RBBP4: variants seen among roughly 807,000 people sequenced by gnomAD.
RBBP4 encodes histone-binding protein RBBP4.
A neutral mutation model predicts 57.2 loss-of-function variants in RBBP4; 3 were observed. The observed-to-expected ratio is 0.05, with a 90% confidence interval of 0.02 to 0.14. The LOEUF is 0.14. RBBP4 is among the 10% of genes least tolerant of loss of function. RBBP4 has a pLI of 1.00. For synonymous variants in RBBP4, 151 were observed against 171.5 expected (o/e 0.88, Z 0.93); for missense variants, 107 against 520.6 (o/e 0.21, Z 7.73).
At chr1:32,667,933 G>T (rs1360450549) in intron 3 of RBBP4, among the ~76,000 whole-genome samples, 1 of 152,118 alleles carries the variant, frequency 6.6e-6, no homozygotes, top group Non-Finnish European at 1.5e-5. Flanking sequence ...ATCTGTACAT[G>T]TTCAATACAT....
At chr1:32,675,395 G>A (rs575073239) in intron 11 of RBBP4, among the ~76,000 whole-genome samples, 1 of 152,150 alleles carries the variant, frequency 6.6e-6, no homozygotes, top group East Asian at 1.9e-4. Context: ...CAGACTAACA[G>A]ATTGTACTAC....
chr1:32,677,087 A>G (rs1045860151), intron 11 of RBBP4, among the ~76,000 whole-genome samples: 5 of 152,178 alleles, frequency 3.3e-5, no homozygotes, highest in Middle Eastern at 3.2e-3. Flanking sequence ...CTTGGCACAG[A>G]GCTCTCCAAA....
At position 32,685,015 on chromosome 1, in the gene RBBP4, TTTC is replaced by T. The variant is rs34609133; in HGVS notation, c.*5316_*5318del. On this transcript the variant is annotated 3_prime_UTR_variant, in exon 12 of 12. Transcript: ENST00000373493. ...CTATTGCTAATTTCCTGCATCCTTT[TTTC>T]TTCTTTATTTTTGTATAGAGACAGG... 4 of 152,026 alleles carry T rather than the reference TTTC, an allele frequency of 2.6e-5. No individual in the cohort carries two copies. The highest frequency in any genetic ancestry group is 7.3e-5 in the African/African-American group (3 of 41,298). The allele number at this position is 152,026 out of a possible 1,614,324, so 9.4% of individuals were successfully genotyped here. A position where few individuals can be genotyped will look rare whatever the true frequency, so the allele number is the denominator to read the frequency against.
At chr1:32,675,464 C>T (rs9425960) in intron 11 of RBBP4, among the ~76,000 whole-genome samples, 148,029 of 152,110 alleles carry the variant, frequency 0.97, 72,156 homozygotes, top group East Asian at 1. Context: ...TACTTTGTAA[C>T]ATTACTTATC....
rs1296808791 is a variant in RBBP4 at position 32,683,351 on chromosome 1, A to AAG, written c.*3647_*3648dup. On this transcript the variant is annotated 3_prime_UTR_variant, in exon 12 of 12. Coordinates refer to ENST00000373493, the MANE Select transcript of RBBP4 (RefSeq NM_005610.3). ...AAACCACAGCCTTTGAATATTATAT[A>AAG]AGGAACTTAATGGATAGATATGTTT... 6.6e-6 allele frequency: 1 copy of AAG among 152,004 alleles called. No individual in the cohort carries two copies. Among genetic ancestry groups the AAG allele is most frequent in the Non-Finnish European group, 1.5e-5 (1 of 68,022 alleles). The allele number at this position is 152,004 out of a possible 1,614,324, so 9.4% of individuals were successfully genotyped here. A position where few individuals can be genotyped will look rare whatever the true frequency, so the allele number is the denominator to read the frequency against.
chr1:32,654,975 G>C (rs1298442607), intron 2 of RBBP4, among the ~76,000 whole-genome samples: 1 of 151,324 alleles, frequency 6.6e-6, no homozygotes, highest in Non-Finnish European at 1.5e-5. Context: ...GATTACAGGC[G>C]TGAGCTAGTG....
At chr1:32,653,859 C>G (rs970070270) in intron 2 of RBBP4, among the ~76,000 whole-genome samples, 5 of 151,558 alleles carry the variant, frequency 3.3e-5, no homozygotes, top group Admixed American at 1.3e-4. Context: ...GGGGTTTCAC[C>G]GTGTTAGCCA....
chr1:32,683,983 C>G lies in RBBP4; in HGVS notation c.*4278C>G, dbSNP rs771171693. ...GTTAGGAAAGCAGTAACAATGCAAACACCACTCTTCTCTTCACAAAGATCA... is the reference window on the plus strand; with the variant it reads ...GTTAGGAAAGCAGTAACAATGCAAAGACCACTCTTCTCTTCACAAAGATCA... On this transcript the variant is annotated 3_prime_UTR_variant, in exon 12 of 12. Transcript: ENST00000373493. 2 of 1,606,032 alleles carry G rather than the reference C, an allele frequency of 1.2e-6. No homozygotes were observed. Among genetic ancestry groups the G allele is most frequent in the African/African-American group, 2.7e-5 (2 of 74,712 alleles).
intron 2 of RBBP4, among the ~76,000 whole-genome samples, chr1:32,653,326 A>G (rs1647974284): frequency 6.6e-6 from 1 of 152,194 alleles, no homozygotes; most frequent in Non-Finnish European, 1.5e-5. Flanking sequence ...GCCATTTGGA[A>G]TAATGGATTT....
chr1:32,671,141 C>T (rs1648858206), intron 8 of RBBP4, among the ~76,000 whole-genome samples: 1 of 152,080 alleles, frequency 6.6e-6, no homozygotes, highest in Non-Finnish European at 1.5e-5. Context: ...AAAATTATTG[C>T]ATGGAGTCAT....
At chr1:32,675,863 G>A (rs564079224) in intron 11 of RBBP4, among the ~76,000 whole-genome samples, 45 of 152,274 alleles carry the variant, frequency 3.0e-4, no homozygotes, top group African/African-American at 8.2e-4. Flanking sequence ...GGCCAAAGCC[G>A]GAGGATCACT....
chr1:32,681,567 T>C lies in RBBP4; in HGVS notation c.*1862T>C. The C allele has an allele frequency of 5.4e-6, 3 of 553,904 alleles. No individual in the cohort carries two copies. In the South Asian group the frequency reaches 6.7e-5, roughly 12 times the overall value. 34.3% of individuals were successfully genotyped at this position (553,904 alleles called of 1,614,324 possible). A position where few individuals can be genotyped will look rare whatever the true frequency, so the allele number is the denominator to read the frequency against. On this transcript the variant is annotated 3_prime_UTR_variant, in exon 12 of 12. Coordinates refer to ENST00000373493, the MANE Select transcript of RBBP4 (RefSeq NM_005610.3). Reference sequence around the variant, plus strand: ...CACTCAGTGCATATGTGAGGGTTGTTGCTGGAAGACAGGAGGCTCATCTTT... The same window carrying C: ...CACTCAGTGCATATGTGAGGGTTGTCGCTGGAAGACAGGAGGCTCATCTTT...
chr1:32,676,643 GT>G (rs1649116720), intron 11 of RBBP4, among the ~76,000 whole-genome samples: 1 of 149,828 alleles, frequency 6.7e-6, no homozygotes, highest in Non-Finnish European at 1.5e-5. Context: ...AAGAAAAGCT[GT>G]TTGCTAAAAT....
intron 2 of RBBP4, among the ~76,000 whole-genome samples, chr1:32,653,910 G>A (rs2762901): frequency 0.076 from 11,500 of 151,702 alleles, 1,461 homozygotes; most frequent in African/African-American, 0.26. Context: ...CACCCGCCTC[G>A]GCCTTCCAAA....
rs369859587 is a variant in RBBP4, at chr1:32,684,371, C to T, written c.*4666C>T. 1 of 1,614,074 alleles carries T rather than the reference C, an allele frequency of 6.2e-7. No homozygotes were observed. The highest frequency in any genetic ancestry group is 1.3e-5 in the African/African-American group (1 of 74,940). ...ACTGCCTCTGGCGTTCTTCCATTTC[C>T]TCCAGCTGTTCCTGCATGAGATGGC... On this transcript the variant is annotated 3_prime_UTR_variant, in exon 12 of 12. Transcript: ENST00000373493.
Position 32,680,650 on chromosome 1 carries a change from A to C in RBBP4, c.*945A>C. ...AAAATGGAATAAATTGCTTTTCTAC[A>C]TAACCCCATGCTGATGGGTTTTATT... On this transcript the variant is annotated 3_prime_UTR_variant, in exon 12 of 12. Coordinates refer to ENST00000373493, the MANE Select transcript of RBBP4 (RefSeq NM_005610.3). 9.1e-7 allele frequency: 1 copy of C among 1,103,424 alleles called. No individual in the cohort carries two copies. The highest frequency in any genetic ancestry group is 1.3e-6 in the Non-Finnish European group (1 of 759,600). The allele number at this position is 1,103,424 out of a possible 1,614,324, so 68.4% of individuals were successfully genotyped here.
At chr1:32,655,902 T>C (rs553792749) in intron 2 of RBBP4, among the ~76,000 whole-genome samples, 2 of 152,344 alleles carry the variant, frequency 1.3e-5, no homozygotes, top group South Asian at 4.1e-4. Context: ...CTGGAGGTAC[T>C]GTGAAACAGT....
At chr1:32,665,852 C>T (rs1040360613) in intron 3 of RBBP4, among the ~76,000 whole-genome samples, 11 of 152,156 alleles carry the variant, frequency 7.2e-5, no homozygotes, top group Non-Finnish European at 1.2e-4. Flanking sequence ...ACTTAGGGGC[C>T]TGGGTCTGAC....
chr1:32,663,668 C>T (rs1404802178), intron 3 of RBBP4, among the ~76,000 whole-genome samples: 2 of 152,036 alleles, frequency 1.3e-5, no homozygotes, highest in Non-Finnish European at 2.9e-5. Flanking sequence ...GCTCTGCCTC[C>T]CAGGTTCACG....
Sources: allele counts gnomAD v4.1 joint callset (sites outside exome capture counted in the v4.1 genomes callset), GRCh38; gene constraint gnomAD v4.1.1; transcripts MANE v1.5; gene names NCBI Gene and HGNC (gene_info 2026-07-23, HGNC 2026-07-21).